Variants in MUC5B observed in about 807,000 individuals in gnomAD.
MUC5B encodes mucin-5B.
MUC5B carries 116 observed loss-of-function variants against 376.9 expected under a neutral mutation model. The observed-to-expected ratio is 0.31, with a 90% CI of 0.26 to 0.36. The LOEUF (loss-of-function observed/expected upper bound fraction) is 0.36, where lower values mean the gene tolerates loss of function less well. Ranked by LOEUF, MUC5B falls within the 10% of genes least tolerant of loss-of-function variation. MUC5B has a pLI of 1.00. For synonymous variants in MUC5B, 3,517 were observed against 3,390.9 expected, an observed-to-expected ratio of 1.04 and a Z score of -1.29; for missense variants, 7,165 against 7,769.9, an observed-to-expected ratio of 0.92 and a Z score of 2.93.
chr11:1,244,905 AACACCCTCCTCTAGC>A lies in MUC5B; in HGVS notation c.8030_8044del (p.Pro2677_Thr2681del), dbSNP rs968056269. 1.2e-6 allele frequency: 2 copies of A among 1,603,196 alleles called. 1 individual carries two copies. The highest frequency in any genetic ancestry group is 2.8e-5 in the African/African-American group (2 of 72,454). On this transcript the variant is annotated inframe_deletion, in exon 31 of 49. Transcript: ENST00000529681. ...CAACTGTGGCCACTGGTTCTATGGC[AACACCCTCCTCTAGC>A]ACACAGACCAGTGGTACTCCCCCAT...
At chr11:1,260,570 C>T in intron 47 of MUC5B, 56 bp from the exon 48 acceptor site, 1 of 1,527,704 alleles carries the variant, frequency 6.5e-7, no homozygotes. Context: ...CCAGCAAGTC[C>T]AGGCCCTCAG....
rs1863012485 is a variant in MUC5B at position 1,262,086 on chromosome 11, A to T, written c.*478A>T. 1.9e-6 allele frequency: 1 copy of T among 530,330 alleles called. No individual in the cohort carries two copies. The highest frequency in any genetic ancestry group is 3.8e-6 in the Non-Finnish European group (1 of 262,860). 32.9% of individuals were successfully genotyped at this position (530,330 alleles called of 1,614,324 possible). On this transcript the variant is annotated 3_prime_UTR_variant, in exon 49 of 49. Coordinates refer to ENST00000529681, the MANE Select transcript of MUC5B (RefSeq NM_002458.3). ...AGGGTAACTCAGGGCTGAGGTCGCA[A>T]CGGCCAGGTCAGAGAGGGGTCAGCA...
Position 1,246,203 on chromosome 11 carries a change from T to C in MUC5B, c.9323T>C (p.Val3108Ala), listed in dbSNP as rs1474787415. ...STPETTHTST[V>A]LTTKATTTRA... ...CCGGAGACCACCCACACCTCCACAG[T>C]GCTGACCACGAAGGCCACCACGACA... The change falls in exon 31 of 49, where the codon GTG (valine) becomes GCG (alanine). Residue 3108 changes from valine (V) to alanine (A), a missense_variant. Physicochemically the swap from Val to Ala is moderately conservative, Grantham distance 64. This residue lies in a region of MUC5B where 939 missense variants were observed against 770.6 expected (regional missense o/e 1.22). Transcript: ENST00000529681. 1.2e-6 allele frequency: 2 copies of C among 1,609,478 alleles called. No homozygotes were observed. The highest frequency in any genetic ancestry group is 2.2e-5 in the East Asian group (1 of 44,488).
rs1200145076 is a variant in MUC5B at position 1,233,060 on chromosome 11, G to A, written c.2113G>A (p.Val705Met). ...CPKSQRYAYV[V>M]DACQPTCRGL... ...CAAGTCCCAGCGCTACGCCTACGTGGTGGATGCCTGCCAGCCCACTTGCCG... is the reference window on the plus strand; with the variant it reads ...CAAGTCCCAGCGCTACGCCTACGTGATGGATGCCTGCCAGCCCACTTGCCG... Residue 705 changes from valine to methionine, a missense_variant, in exon 18 of 49, where the codon GTG becomes ATG. Physicochemically the swap from Val to Met is conservative, Grantham distance 21 (BLOSUM62 1). Coordinates refer to ENST00000529681, the MANE Select transcript of MUC5B (RefSeq NM_002458.3). 2.5e-6 allele frequency: 4 copies of A among 1,605,228 alleles called. No individual in the cohort carries two copies. Among genetic ancestry groups the A allele is most frequent in the Non-Finnish European group, 3.4e-6 (4 of 1,178,772 alleles).
Position 1,231,526 on chromosome 11 carries a change from C to T in MUC5B, c.1644C>T (p.Val548=), listed in dbSNP as rs1201796348. The change falls in exon 14 of 49, where the codon GTC becomes GTT. Residue 548 remains valine, a synonymous_variant. Coordinates refer to ENST00000529681, the MANE Select transcript of MUC5B (RefSeq NM_002458.3). ...VQLVPLMQVF[V]RLDPAHQGQM... Reference sequence around the variant, plus strand: ...TGGTGCCACTCATGCAGGTGTTTGTCAGGCTGGACCCCGCCCACCAGGGCC... The same window carrying T: ...TGGTGCCACTCATGCAGGTGTTTGTTAGGCTGGACCCCGCCCACCAGGGCC... The T allele has an allele frequency of 1.9e-6, 3 of 1,594,462 alleles. No homozygotes were observed. Among genetic ancestry groups the T allele is most frequent in the Non-Finnish European group, 2.6e-6 (3 of 1,172,062 alleles).
chr11:1,241,380 C>T lies in MUC5B; in HGVS notation c.4500C>T (p.Thr1500=). Residue 1500 remains threonine (T), a synonymous_variant, in exon 31 of 49, where the codon ACC becomes ACT. Transcript: ENST00000529681. The part of the protein sequence containing the change: ...PVTVTPSAPG[T]TTCQPRCQWT... ...CGGTCACCCCCTCGGCCCCAGGTACCACCACCTGCCAGCCCCGGTGTCAGT... is the reference window on the plus strand; with the variant it reads ...CGGTCACCCCCTCGGCCCCAGGTACTACCACCTGCCAGCCCCGGTGTCAGT... The T allele has an allele frequency of 2.5e-6, 4 of 1,613,534 alleles. No individual in the cohort carries two copies. Among genetic ancestry groups the T allele is most frequent in the Middle Eastern group, 1.6e-4 (1 of 6,062 alleles).
In MUC5B at chr11:1,253,969, G is replaced by A; in HGVS notation, c.15218-123G>A. On this transcript the variant is annotated intron_variant, in intron 33 of 48. Transcript: ENST00000529681. The surrounding 1 kb of genome is among the most constrained non-coding windows in gnomAD (Gnocchi z 4.3). The stretch of plus-strand genomic sequence containing the variant: ...CCATTTTTATAGACGAGGCAGCTGA[G>A]GCCCCAGGGGCTTCAGTGGCTCCCC... 2 of 1,356,126 alleles carry A rather than the reference G, an allele frequency of 1.5e-6. No individual in the cohort carries two copies. The highest frequency in any genetic ancestry group is 2.0e-6 in the Non-Finnish European group (2 of 1,006,008). The allele number at this position is 1,356,126 out of a possible 1,614,324, so 84.0% of individuals were successfully genotyped here.
chr11:1,227,493 C>G, intron 6 of MUC5B, 95 bp downstream of exon 6: 2 of 980,760 alleles, frequency 2.0e-6, no homozygotes, highest in Admixed American at 2.0e-5. Flanking sequence ...GAGTGGGGAC[C>G]GGGCACCAGG....
In MUC5B at chr11:1,251,230, C is replaced by G. The variant is rs1407096200; in HGVS notation, c.14350C>G (p.Pro4784Ala). ...GTCCACAATCCACACCTCCTCTACT[C>G]CAGAGACCACCCACACCTCCACAGT... is the stretch of plus-strand genomic sequence containing the variant. ...TMSTIHTSSTPETTHTSTVLT... is the reference protein window; with the variant it reads ...TMSTIHTSSTAETTHTSTVLT... The change falls in exon 31 of 49, where the codon CCA (proline) becomes GCA (alanine). Residue 4784 changes from proline (P) to alanine (A), a missense_variant. Pro to Ala is a conservative substitution (Grantham distance 27). Around this residue, in one of 31 missense-constraint regions of MUC5B, gnomAD observed 730 missense variants for 592.7 expected, o/e 1.23. Transcript: ENST00000529681. 1.2e-6 allele frequency: 2 copies of G among 1,611,320 alleles called. No homozygotes were observed. The highest frequency in any genetic ancestry group is 1.7e-6 in the Non-Finnish European group (2 of 1,178,254).
intron 11 of MUC5B, 58 bp from the exon 12 acceptor site, chr11:1,230,432 G>C: frequency 6.8e-7 from 1 of 1,466,912 alleles, no homozygotes; most frequent in African/African-American, 1.4e-5. Flanking sequence ...GCACACTTCT[G>C]GGGGGCACCC....
At chr11:1,228,371 C>A (rs2672811) in intron 7 of MUC5B, 193 bp from the exon 8 acceptor site, 6 of 575,568 alleles carry the variant, frequency 1.0e-5, no homozygotes, top group Non-Finnish European at 1.8e-5. Flanking sequence ...AGGGGATCCC[C>A]GGTCACGGGT....
In MUC5B at chr11:1,255,175, C is replaced by A. The variant is rs1331148327; in HGVS notation, c.15799C>A (p.Pro5267Thr). ...TGGCTGCTGGGCCCCGACTGGCACACCCCCCACTGCCAGCCCCGCAGCCCC... is the reference window on the plus strand; with the variant it reads ...TGGCTGCTGGGCCCCGACTGGCACAACCCCCACTGCCAGCCCCGCAGCCCC... The part of the protein sequence containing the change: ...KDGCWAPTGT[P>T]PTASPAAPVS... Residue 5267 changes from proline (P) to threonine (T), a missense_variant, in exon 36 of 49, where the codon CCC becomes ACC. Physicochemically the swap from Pro to Thr is conservative, Grantham distance 38. Around this residue, in one of 31 missense-constraint regions of MUC5B, gnomAD observed 842 missense variants for 1,016.9 expected, o/e 0.83. Transcript: ENST00000529681. 16 of 1,553,442 alleles carry A rather than the reference C, an allele frequency of 1.0e-5. No homozygotes were observed. In the Admixed American group the frequency reaches 1.2e-4, roughly 11 times the overall value.
chr11:1,226,989 C>T (rs760924510), intron 4 of MUC5B, 42 bp from the exon 5 acceptor site: 3 of 1,582,876 alleles, frequency 1.9e-6, no homozygotes, highest in Non-Finnish European at 2.6e-6. Context: ...GGCAGGCAGC[C>T]AGGAGAGCGG....
intron 25 of MUC5B, among the ~76,000 whole-genome samples, chr11:1,238,666 G>A (rs56280760): frequency 1.3e-5 from 2 of 152,196 alleles, no homozygotes; most frequent in African/African-American, 4.8e-5. Flanking sequence ...GGATATAGGT[G>A]GACGAGGGCA....
chr11:1,231,550 C>A lies in MUC5B; in HGVS notation c.1668C>A (p.Gly556=). ...TCAGGCTGGACCCCGCCCACCAGGG[C>A]CAGATGTGCGGTGAGGCTGGGCAGG... ...VFVRLDPAHQ[G]QMCGLCGNFN... Residue 556 remains glycine, a synonymous_variant, in exon 14 of 49, where the codon GGC becomes GGA. Transcript: ENST00000529681. The A allele has an allele frequency of 1.3e-6, 2 of 1,577,934 alleles. No individual in the cohort carries two copies. The highest frequency in any genetic ancestry group is 1.7e-6 in the Non-Finnish European group (2 of 1,164,094).
At chr11:1,256,588 C>G in intron 38 of MUC5B, 83 bp from the exon 39 acceptor site, 5 of 915,342 alleles carry the variant, frequency 5.5e-6, no homozygotes, top group Non-Finnish European at 8.2e-6. Context: ...CTGCTCCCCA[C>G]TGCCCATCCT....
At position 1,225,409 on chromosome 11, in the gene MUC5B, C is replaced by T. The variant is rs1477436650; in HGVS notation, c.71-272C>T. 2.0e-5 allele frequency among the ~76,000 whole-genome samples: 3 copies of T among 152,218 alleles called. No homozygotes were observed. In the East Asian group the frequency reaches 5.8e-4, roughly 29 times the overall value. ...GCCGTGCTGGGGGCAGCTCAGGGCT[C>T]CCTGCTGGAAGCTTCCATCCCGCAG... On this transcript the variant is annotated intron_variant, in intron 1 of 48. Transcript: ENST00000529681.
In MUC5B at chr11:1,253,819, C is replaced by T. The variant is rs1028955352; in HGVS notation, c.15218-273C>T. On this transcript the variant is annotated intron_variant, in intron 33 of 48. Transcript: ENST00000529681. The surrounding 1 kb of genome is among the most constrained non-coding windows in gnomAD (Gnocchi z 4.3). The stretch of plus-strand genomic sequence containing the variant: ...ATTGAGGGCCCACCCAGCTAGTCCA[C>T]GATGATGTCATTTCAAGATGCTTCC... Among the ~76,000 whole-genome samples, 31 of 152,220 alleles carry T rather than the reference C, an allele frequency of 2.0e-4. No homozygotes were observed. The highest frequency in any genetic ancestry group is 5.8e-4 in the African/African-American group (24 of 41,442).
rs752672583 is a variant in MUC5B, at chr11:1,246,275, C to A, written c.9395C>A (p.Thr3132Asn). ...MSTPSSTPGT[T>N]WILTELTTAA... Reference sequence around the variant, plus strand: ...ACCCCCTCCTCCACTCCGGGGACGACCTGGATCCTCACAGAGCTGACCACA... The same window carrying A: ...ACCCCCTCCTCCACTCCGGGGACGAACTGGATCCTCACAGAGCTGACCACA... Residue 3132 changes from threonine (T) to asparagine (N), a missense_variant, in exon 31 of 49, where the codon ACC (threonine) becomes AAC (asparagine). Transcript: ENST00000529681. 3 of 1,611,534 alleles carry A rather than the reference C, an allele frequency of 1.9e-6. No individual in the cohort carries two copies. Among genetic ancestry groups the A allele is most frequent in the East Asian group, 2.2e-5 (1 of 44,710 alleles).
Sources: allele counts gnomAD v4.1 joint callset (sites outside exome capture counted in the v4.1 genomes callset), GRCh38; gene constraint gnomAD v4.1.1; regional missense constraint gnomAD v4.1.1; non-coding constraint Gnocchi (gnomAD v3.1); transcripts MANE v1.5; gene names NCBI Gene and HGNC (gene_info 2026-07-23, HGNC 2026-07-21).